Variants in CNTNAP2 observed in about 807,000 individuals in gnomAD.
CNTNAP2 encodes contactin associated protein 2.
Under a neutral mutation model 155.2 loss-of-function variants are expected in CNTNAP2, and 98 were observed. The observed-to-expected ratio is 0.63, with a 90% CI of 0.54 to 0.75. The LOEUF is 0.75. CNTNAP2 is among the 30% of genes least tolerant of loss of function. CNTNAP2 has a pLI of 0.00. For synonymous variants in CNTNAP2, 651 were observed against 631.2 expected (o/e 1.03, Z -0.47); for missense variants, 1,727 against 1,688.1 (o/e 1.02, Z -0.40).
chr7:147,336,657 A>G (rs4726844), intron 9 of CNTNAP2, among the ~76,000 whole-genome samples: 58,282 of 151,810 alleles, frequency 0.38, 11,551 homozygotes, highest in South Asian at 0.49. Context: ...AAATTATAGA[A>G]CTAGTTAGTG....
At chr7:147,830,572 A>G (rs979671456) in intron 13 of CNTNAP2, among the ~76,000 whole-genome samples, 3 of 152,202 alleles carry the variant, frequency 2.0e-5, no homozygotes, top group South Asian at 2.1e-4. Context: ...TTTCAGCCCA[A>G]GTATTCGCCC....
intron 19 of CNTNAP2, among the ~76,000 whole-genome samples, chr7:148,227,229 A>G (rs112469181): frequency 0.013 from 1,948 of 152,210 alleles, 27 homozygotes; most frequent in Middle Eastern, 0.034. Flanking sequence ...GAGGCCTGAG[A>G]GGGACAATTG....
At chr7:147,517,129 C>G (rs1799142842) in intron 11 of CNTNAP2, among the ~76,000 whole-genome samples, 1 of 151,908 alleles carries the variant, frequency 6.6e-6, no homozygotes, top group African/African-American at 2.4e-5. Flanking sequence ...CATGACCTCC[C>G]AAGGTACTAG....
intron 8 of CNTNAP2, among the ~76,000 whole-genome samples, chr7:147,273,106 G>T (rs934641950): frequency 1.3e-5 from 2 of 152,056 alleles, no homozygotes; most frequent in African/African-American, 2.4e-5. Flanking sequence ...GAAATCCTAT[G>T]TTCTGCTTCC....
intron 8 of CNTNAP2, among the ~76,000 whole-genome samples, chr7:147,143,151 T>A (rs1305206529): frequency 2.0e-5 from 3 of 152,302 alleles, no homozygotes; most frequent in Middle Eastern, 3.4e-3. Context: ...TTTGGTTTGA[T>A]TCACACCTAG....
intron 3 of CNTNAP2, among the ~76,000 whole-genome samples, chr7:146,979,436 T>G (rs1271330516): frequency 6.6e-6 from 1 of 152,132 alleles, no homozygotes; most frequent in African/African-American, 2.4e-5. Context: ...CCACAGAGAG[T>G]GCTTTATTGA....
intron 10 of CNTNAP2, among the ~76,000 whole-genome samples, chr7:147,451,101 A>G (rs888761065): frequency 7.2e-5 from 11 of 152,324 alleles, no homozygotes; most frequent in Admixed American, 4.6e-4. Context: ...CTGAGGGAAG[A>G]GTCAATATAA....
At chr7:147,943,766 C>CAAAAA (rs144842680) in intron 14 of CNTNAP2, among the ~76,000 whole-genome samples, 26 of 40,168 alleles carry the variant, frequency 6.5e-4, no homozygotes, top group Non-Finnish European at 8.6e-4. Context: ...GACCCCGTCT[C>CAAAAA]AAAAAAAAAA....
At chr7:148,395,863 C>A (rs1799455428) in intron 22 of CNTNAP2, among the ~76,000 whole-genome samples, 1 of 152,192 alleles carries the variant, frequency 6.6e-6, no homozygotes, top group Non-Finnish European at 1.5e-5. Context: ...TTGGAACTAT[C>A]TCCAAGGTCA....
chr7:147,818,118 A>C (rs1798305134), intron 13 of CNTNAP2, among the ~76,000 whole-genome samples: 1 of 152,018 alleles, frequency 6.6e-6, no homozygotes, highest in South Asian at 2.1e-4. Context: ...TGTTTTCTAC[A>C]AAGAGGTATA....
intron 1 of CNTNAP2, among the ~76,000 whole-genome samples, chr7:146,425,674 A>T (rs1386858903): frequency 6.6e-6 from 1 of 152,172 alleles, no homozygotes; most frequent in Non-Finnish European, 1.5e-5. Context: ...ACAGTAACAA[A>T]AACTACAAGT....
At chr7:147,627,947 TAAA>T (rs779265882) in intron 12 of CNTNAP2, among the ~76,000 whole-genome samples, 8 of 147,036 alleles carry the variant, frequency 5.4e-5, no homozygotes, top group Admixed American at 4.7e-4. Flanking sequence ...AAAAAAAGAA[TAAA>T]AAAGTGAACA....
chr7:146,155,678 AC>A (rs1006205208), intron 1 of CNTNAP2, among the ~76,000 whole-genome samples: 1 of 142,342 alleles, frequency 7.0e-6, no homozygotes, highest in Non-Finnish European at 1.5e-5. Flanking sequence ...ATTGCATAAA[AC>A]AATATCATTA....
At chr7:147,102,916 C>T (rs1345543008) in intron 4 of CNTNAP2, among the ~76,000 whole-genome samples, 1 of 152,086 alleles carries the variant, frequency 6.6e-6, no homozygotes, top group Non-Finnish European at 1.5e-5. Context: ...TACATTCTTG[C>T]CCACCACCAC....
intron 10 of CNTNAP2, among the ~76,000 whole-genome samples, chr7:147,401,773 T>A (rs1231225025): frequency 2.6e-5 from 4 of 152,134 alleles, no homozygotes; most frequent in Admixed American, 1.3e-4. Context: ...TCACTCACTC[T>A]CTCTCCTGCT....
chr7:146,921,335 T>C (rs1796493208), intron 3 of CNTNAP2, among the ~76,000 whole-genome samples: 1 of 152,186 alleles, frequency 6.6e-6, no homozygotes, highest in Admixed American at 6.5e-5. Context: ...ACAGGATATA[T>C]GACTTGAGAT....
Position 146,544,857 on chromosome 7 carries a change from T to C in CNTNAP2, c.98-229414T>C, listed in dbSNP as rs138437495. 6.6e-3 allele frequency among the ~76,000 whole-genome samples: 1,002 copies of C among 151,934 alleles called. 15 individuals are homozygous for C. The highest frequency in any genetic ancestry group is 0.023 in the African/African-American group (942 of 41,468). On this transcript the variant is annotated intron_variant, in intron 1 of 23. Transcript: ENST00000361727. ...AAGTCACTAGATAGTGTTGACAGTA[T>C]AGGAATCATCACAGGGTACTCTTGT... is the stretch of plus-strand genomic sequence containing the variant.
At chr7:147,840,130 A>C (rs959219077) in intron 13 of CNTNAP2, among the ~76,000 whole-genome samples, 2 of 152,082 alleles carry the variant, frequency 1.3e-5, no homozygotes. Flanking sequence ...ACATATGGTC[A>C]TAGAGCATGG....
intron 12 of CNTNAP2, among the ~76,000 whole-genome samples, chr7:147,601,341 G>A (rs1173470232): frequency 6.6e-6 from 1 of 151,796 alleles, no homozygotes; most frequent in Non-Finnish European, 1.5e-5. Flanking sequence ...TAGGATTTGG[G>A]TAGGTAGTGG....
Sources: allele counts gnomAD v4.1 joint callset (sites outside exome capture counted in the v4.1 genomes callset), GRCh38; gene constraint gnomAD v4.1.1; transcripts MANE v1.5; gene names NCBI Gene and HGNC (gene_info 2026-07-23, HGNC 2026-07-21).